Variants in PHF11 observed in about 807,000 individuals in gnomAD.
PHF11 encodes BRCA1 C-terminus-associated protein.
In PHF11, 38 loss-of-function variants were observed where a neutral mutation model predicts 40.5. The observed-to-expected ratio is 0.94, with a 90% CI of 0.72 to 1.23. The LOEUF (loss-of-function observed/expected upper bound fraction) is 1.23, where lower values mean the gene tolerates loss of function less well. PHF11 is among the 50% of genes most tolerant of loss of function. The pLI, the probability that PHF11 is intolerant of heterozygous loss-of-function variation, is 0.00. For synonymous variants in PHF11, 127 were observed against 138.2 expected (o/e 0.92, Z 0.57); for missense variants, 369 against 392.4 (o/e 0.94, Z 0.50).
At chr13:49,522,159 T>C in intron 6 of PHF11, 52 bp downstream of exon 6, 1 of 881,836 alleles carries the variant, frequency 1.1e-6, no homozygotes, top group Admixed American at 2.0e-5. Context: ...AGAGTCCTTA[T>C]TTAAACCAGT....
At chr13:49,510,911 AC>A (rs1431839715) in intron 2 of PHF11, among the ~76,000 whole-genome samples, 1 of 152,184 alleles carries the variant, frequency 6.6e-6, no homozygotes, top group South Asian at 2.1e-4. Flanking sequence ...ACATGTTGAG[AC>A]CCATGCAACC....
At chr13:49,521,153 A>T in intron 5 of PHF11, 2 of 1,222,206 alleles carry the variant, frequency 1.6e-6, no homozygotes, top group Non-Finnish European at 2.0e-6. Context: ...TTCTCTTTGA[A>T]CCATTCCCTG....
At chr13:49,523,728 C>T in intron 7 of PHF11, 1 of 205,362 alleles carries the variant, frequency 4.9e-6, no homozygotes, top group Non-Finnish European at 9.6e-6. Context: ...ACCAACATCT[C>T]AGAAATCACC....
chr13:49,498,582 G>C (rs1594196686), intron 1 of PHF11, among the ~76,000 whole-genome samples: 1 of 152,240 alleles, frequency 6.6e-6, no homozygotes, highest in East Asian at 1.9e-4. Flanking sequence ...CAGTAACCTA[G>C]TACATTTCAG....
At chr13:49,519,077 C>T (rs1400694786) in intron 4 of PHF11, among the ~76,000 whole-genome samples, 1 of 152,002 alleles carries the variant, frequency 6.6e-6, no homozygotes, top group Non-Finnish European at 1.5e-5. Context: ...CCTCGTGATC[C>T]GCCCGCCTCG....
Position 49,524,077 on chromosome 13 carries a change from A to G in PHF11, c.638-8A>G, listed in dbSNP as rs774955950. ...TATTTCCTTCTCAAATGTTTGTCTTATTCTTAGATGCAACTGTGAAAGTTC... is the reference window on the plus strand; with the variant it reads ...TATTTCCTTCTCAAATGTTTGTCTTGTTCTTAGATGCAACTGTGAAAGTTC... On this transcript the variant is annotated splice_polypyrimidine_tract_variant and splice_region_variant and intron_variant, in intron 7 of 9. Coordinates refer to ENST00000378319, the MANE Select transcript of PHF11 (RefSeq NM_001040443.3). The G allele has an allele frequency of 4.4e-6, 7 of 1,602,058 alleles. No individual in the cohort carries two copies. In the East Asian group the frequency reaches 1.3e-4, roughly 31 times the overall value.
intron 2 of PHF11, among the ~76,000 whole-genome samples, chr13:49,508,359 C>A (rs1487260091): frequency 6.9e-6 from 1 of 145,522 alleles, no homozygotes; most frequent in African/African-American, 2.5e-5. Flanking sequence ...TTCATATATT[C>A]ATATATAATA....
intron 8 of PHF11, among the ~76,000 whole-genome samples, chr13:49,525,179 T>C (rs1318743382): frequency 6.6e-6 from 1 of 152,228 alleles, no homozygotes; most frequent in South Asian, 2.1e-4. Context: ...GTTAAAGAAG[T>C]TTCTTTCTTA....
chr13:49,497,248 A>T (rs1958829364), intron 1 of PHF11: 1 of 1,243,964 alleles, frequency 8.0e-7, no homozygotes, highest in Non-Finnish European at 1.1e-6. Flanking sequence ...TTCCATCCTG[A>T]CCTCTTCCTC....
At chr13:49,497,996 C>A (rs760725850) in intron 1 of PHF11, among the ~76,000 whole-genome samples, 2 of 152,204 alleles carry the variant, frequency 1.3e-5, no homozygotes, top group Non-Finnish European at 2.9e-5. Context: ...GCCCCTGCTC[C>A]TGTCACTCTC....
At position 49,522,105 on chromosome 13, in the gene PHF11, C is replaced by T. The variant is rs553092605; in HGVS notation, c.568C>T (p.Gln190Ter). The change falls in exon 6 of 10, where the codon CAG (glutamine) becomes TAG (stop). Residue 190 changes from glutamine (Q) to a stop codon, truncating the protein, a stop_gained and splice_region_variant. Coordinates refer to ENST00000378319, the MANE Select transcript of PHF11 (RefSeq NM_001040443.3). LOFTEE classifies it high-confidence loss of function. ...RKKPLSGNHV[Q>*]PPETMKCNTF... ...GAAACCCCTCTCAGGCAATCATGTA[C>T]AGGTAATTTGACTTAGTTTTTATAG... is the stretch of plus-strand genomic sequence containing the variant. 5.4e-5 allele frequency: 82 copies of T among 1,523,084 alleles called. No homozygotes were observed. The South Asian group carries it at 7.2e-4, about 13-fold the overall frequency. The allele number at this position is 1,523,084 out of a possible 1,614,324, so 94.3% of individuals were successfully genotyped here. A position where few individuals can be genotyped will look rare whatever the true frequency, so the allele number is the denominator to read the frequency against.
At chr13:49,519,104 G>A (rs1959175793) in intron 4 of PHF11, among the ~76,000 whole-genome samples, 1 of 152,068 alleles carries the variant, frequency 6.6e-6, no homozygotes, top group Non-Finnish European at 1.5e-5. Context: ...CAAAGTGCTG[G>A]GATTACAGGC....
chr13:49,521,022 C>T, intron 5 of PHF11, 82 bp downstream of exon 5: 1 of 1,457,328 alleles, frequency 6.9e-7, no homozygotes, highest in African/African-American at 1.4e-5. Flanking sequence ...AATTTTCTAG[C>T]CTCGTTGAAT....
At position 49,496,104 on chromosome 13, in the gene PHF11, CGCGGGGGCGGGCGGGCGGGCGG is replaced by C; in HGVS notation, c.94+16_94+37del. On this transcript the variant is annotated intron_variant, in intron 1 of 9. Transcript: ENST00000378319. ...GCTCCTCCTTCCCACCGGTGTGTAC[CGCGGGGGCGGGCGGGCGGGCGG>C]GCGGGGCTGGGCAGCGACGGGCCCG... 1 of 417,478 alleles carries C rather than the reference CGCGGGGGCGGGCGGGCGGGCGG, an allele frequency of 2.4e-6. No homozygotes were observed. The highest frequency in any genetic ancestry group is 3.3e-6 in the Non-Finnish European group (1 of 299,762). 25.9% of individuals were successfully genotyped at this position (417,478 alleles called of 1,614,324 possible).
chr13:49,526,118 A>C (rs1202841292), intron 8 of PHF11: 9 of 392,920 alleles, frequency 2.3e-5, no homozygotes, highest in African/African-American at 4.2e-5. Context: ...GCAGTGAGCC[A>C]AGATCGCACC....
intron 9 of PHF11, among the ~76,000 whole-genome samples, chr13:49,527,646 C>A (rs1217746723): frequency 6.6e-6 from 1 of 151,994 alleles, no homozygotes; most frequent in Non-Finnish European, 1.5e-5. Flanking sequence ...TTTAAAGCAG[C>A]CTTAAAAATT....
chr13:49,518,116 A>C lies in PHF11; in HGVS notation c.423A>C (p.Ala141=), dbSNP rs1477596049. ...YHFFCAKKDD[A]VPQSDGVRGI... ...TTTTCTGTGCCAAGAAGGACGACGC[A>C]GTTCCACAGTCTGATGGAGTTCGAG... The change falls in exon 4 of 10, where the codon GCA becomes GCC. Residue 141 remains alanine, a synonymous_variant. Coordinates refer to ENST00000378319, the MANE Select transcript of PHF11 (RefSeq NM_001040443.3). 1.2e-6 allele frequency: 2 copies of C among 1,608,688 alleles called. No individual in the cohort carries two copies. Among genetic ancestry groups the C allele is most frequent in the East Asian group, 4.5e-5 (2 of 44,804 alleles).
intron 1 of PHF11, among the ~76,000 whole-genome samples, chr13:49,501,957 C>T (rs1958915355): frequency 6.6e-6 from 1 of 151,930 alleles, no homozygotes; most frequent in Admixed American, 6.6e-5. Context: ...TCCCAAAGTG[C>T]TGGGATTACA....
At chr13:49,504,657 G>A (rs1256564610) in intron 1 of PHF11, among the ~76,000 whole-genome samples, 20 of 150,502 alleles carry the variant, frequency 1.3e-4, no homozygotes, top group Non-Finnish European at 2.5e-4. Flanking sequence ...CTGCCCGGCC[G>A]CCCCTACTAG....
Sources: allele counts gnomAD v4.1 joint callset (sites outside exome capture counted in the v4.1 genomes callset), GRCh38; gene constraint gnomAD v4.1.1; transcripts MANE v1.5; gene names NCBI Gene and HGNC (gene_info 2026-07-23, HGNC 2026-07-21).